Variants in GRM3 observed in about 807,000 individuals in gnomAD.
GRM3 encodes metabotropic glutamate receptor 3.
In GRM3, 26 loss-of-function variants were observed where a neutral mutation model predicts 70.5. The ratio of observed to expected loss-of-function variants is 0.37; its 90% CI spans 0.27 to 0.51. GRM3 has a LOEUF of 0.51. GRM3 is among the 20% of genes least tolerant of loss of function. The pLI, the probability that GRM3 is intolerant of heterozygous loss-of-function variation, is 0.93. For missense variants in GRM3, 859 were observed against 1,123.8 expected (o/e 0.76, Z 3.37); for synonymous variants, 443 against 434.9 (o/e 1.02, Z -0.23).
intron 1 of GRM3, among the ~76,000 whole-genome samples, chr7:86,719,907 T>C (rs1474788529): frequency 6.6e-6 from 1 of 152,018 alleles, no homozygotes; most frequent in Admixed American, 6.6e-5. Flanking sequence ...AAGGATGGCT[T>C]GCTCACAAAA....
intron 1 of GRM3, among the ~76,000 whole-genome samples, chr7:86,723,414 T>C (rs1795520347): frequency 1.3e-5 from 2 of 152,130 alleles, no homozygotes; most frequent in South Asian, 4.1e-4. Context: ...CCATTTTAAC[T>C]GCCAGAAAAT....
At chr7:86,663,324 CT>C (rs1340470096) in intron 1 of GRM3, among the ~76,000 whole-genome samples, 1 of 151,930 alleles carries the variant, frequency 6.6e-6, no homozygotes, top group Non-Finnish European at 1.5e-5. Flanking sequence ...TCTACTGATG[CT>C]GCTGGAGGGC....
intron 1 of GRM3, among the ~76,000 whole-genome samples, chr7:86,704,648 G>C (rs1432564335): frequency 6.6e-6 from 1 of 151,800 alleles, no homozygotes; most frequent in Non-Finnish European, 1.5e-5. Flanking sequence ...AGAGGATTCT[G>C]ATTGCTGTAG....
At chr7:86,674,020 A>C (rs1452165975) in intron 1 of GRM3, among the ~76,000 whole-genome samples, 1 of 152,160 alleles carries the variant, frequency 6.6e-6, no homozygotes, top group Non-Finnish European at 1.5e-5. Flanking sequence ...ATCTAAAACC[A>C]GTATATTGAT....
At chr7:86,788,498 A>G (rs1381051813) in intron 3 of GRM3, among the ~76,000 whole-genome samples, 2 of 152,210 alleles carry the variant, frequency 1.3e-5, no homozygotes, top group African/African-American at 4.8e-5. Flanking sequence ...TAGAATGACT[A>G]CTAAAACTGG....
intron 2 of GRM3, among the ~76,000 whole-genome samples, chr7:86,771,283 A>G (rs555342671): frequency 6.6e-6 from 1 of 152,210 alleles, no homozygotes; most frequent in East Asian, 1.9e-4. Context: ...CTCTACTATT[A>G]GGGTTTAAGT....
At chr7:86,835,849 C>T (rs1309353212) in intron 3 of GRM3, among the ~76,000 whole-genome samples, 2 of 152,006 alleles carry the variant, frequency 1.3e-5, no homozygotes, top group African/African-American at 2.4e-5. Flanking sequence ...TGAGCTCAAG[C>T]GATCCACCTA....
intron 1 of GRM3, among the ~76,000 whole-genome samples, chr7:86,762,864 A>C (rs969621924): frequency 6.6e-6 from 1 of 152,164 alleles, no homozygotes; most frequent in African/African-American, 2.4e-5. Context: ...TACTGAGTGC[A>C]CATAGTTCAA....
chr7:86,817,357 A>T (rs1798036764), intron 3 of GRM3, among the ~76,000 whole-genome samples: 1 of 151,958 alleles, frequency 6.6e-6, no homozygotes, highest in African/African-American at 2.4e-5. Flanking sequence ...TCCTGTAGGG[A>T]AATACTCAGT....
chr7:86,808,679 A>G (rs973408250), intron 3 of GRM3, among the ~76,000 whole-genome samples: 1 of 151,992 alleles, frequency 6.6e-6, no homozygotes, highest in Admixed American at 6.6e-5. Flanking sequence ...ATATAATGTA[A>G]TCAAAAGAAA....
intron 1 of GRM3, among the ~76,000 whole-genome samples, chr7:86,646,339 A>G (rs962421279): frequency 3.3e-5 from 5 of 152,184 alleles, no homozygotes; most frequent in African/African-American, 1.2e-4. Context: ...TTATATTTAC[A>G]AAGATTTCTT....
intron 1 of GRM3, among the ~76,000 whole-genome samples, chr7:86,695,817 G>A (rs1794802143): frequency 6.6e-6 from 1 of 152,062 alleles, no homozygotes; most frequent in Non-Finnish European, 1.5e-5. Flanking sequence ...CTAGATCTAA[G>A]GAAGATGTCA....
At chr7:86,831,528 G>A (rs796851687) in intron 3 of GRM3, among the ~76,000 whole-genome samples, 1 of 151,984 alleles carries the variant, frequency 6.6e-6, no homozygotes, top group South Asian at 2.1e-4. Context: ...AAATAAATCA[G>A]GTTAGCCCTG....
At chr7:86,648,040 T>C (rs1407822734) in intron 1 of GRM3, among the ~76,000 whole-genome samples, 1 of 152,248 alleles carries the variant, frequency 6.6e-6, no homozygotes, top group Non-Finnish European at 1.5e-5. Context: ...TCCTCTTGTC[T>C]GATTCAGATT....
At chr7:86,716,047 C>T (rs1795306532) in intron 1 of GRM3, among the ~76,000 whole-genome samples, 1 of 151,954 alleles carries the variant, frequency 6.6e-6, no homozygotes, top group Non-Finnish European at 1.5e-5. Context: ...TCTGGATCAA[C>T]AATTAACATA....
intron 1 of GRM3, among the ~76,000 whole-genome samples, chr7:86,676,365 AAC>A (rs778410186): frequency 1.3e-5 from 2 of 151,998 alleles, no homozygotes; most frequent in East Asian, 3.8e-4. Flanking sequence ...TACCATGAAA[AAC>A]AATTCCTATA....
chr7:86,709,877 CA>C (rs1795152294), intron 1 of GRM3, among the ~76,000 whole-genome samples: 1 of 152,050 alleles, frequency 6.6e-6, no homozygotes, highest in Non-Finnish European at 1.5e-5. Flanking sequence ...GAGAGACATG[CA>C]AGAAGTGTGA....
intron 1 of GRM3, among the ~76,000 whole-genome samples, chr7:86,697,940 T>G (rs950552653): frequency 9.2e-5 from 14 of 152,050 alleles, no homozygotes; most frequent in African/African-American, 3.1e-4. Flanking sequence ...ATCCTGAAAA[T>G]CCTATGGGGT....
intron 1 of GRM3, among the ~76,000 whole-genome samples, chr7:86,702,432 G>A (rs545209545): frequency 2.0e-5 from 3 of 152,012 alleles, no homozygotes; most frequent in Non-Finnish European, 4.4e-5. Context: ...ACAACAACCA[G>A]CTCTATTTAA....
Sources: allele counts gnomAD v4.1 joint callset (sites outside exome capture counted in the v4.1 genomes callset), GRCh38; gene constraint gnomAD v4.1.1; transcripts MANE v1.5; gene names NCBI Gene and HGNC (gene_info 2026-07-23, HGNC 2026-07-21).